Variants in ERAP1 observed in about 807,000 individuals in gnomAD.
ERAP1 encodes the protein adipocyte-derived leucine aminopeptidase.
A neutral mutation model predicts 103.7 loss-of-function variants in ERAP1; 86 were observed. That is an observed-to-expected ratio of 0.83 (90% CI 0.70 to 0.99). The LOEUF is 0.99. Among genes scored for constraint, ERAP1 ranks in the 50% least tolerant of loss-of-function variants. The pLI, the probability that ERAP1 is intolerant of heterozygous loss-of-function variation, is 0.00. For missense variants in ERAP1, 1,009 were observed against 1,128.4 expected (o/e 0.89, Z 1.52); for synonymous variants, 398 against 402.4 (o/e 0.99, Z 0.13).
At chr5:96,917,053 C>T in the ERAP1 span, among the ~76,000 whole-genome samples, 1 of 152,098 alleles carries the variant, frequency 6.6e-6, no homozygotes, top group Non-Finnish European at 1.5e-5. Flanking sequence ...ATGCCTATAC[C>T]TGTGTGTATG....
chr5:96,924,420 T>C, the ERAP1 span, among the ~76,000 whole-genome samples: 1 of 152,208 alleles, frequency 6.6e-6, no homozygotes, highest in Non-Finnish European at 1.5e-5. Context: ...TTATAGGACC[T>C]TCTCAAGCTA....
chr5:96,867,358 C>T, the ERAP1 span, among the ~76,000 whole-genome samples: 58 of 152,122 alleles, frequency 3.8e-4, no homozygotes, highest in Admixed American at 3.7e-3. Flanking sequence ...AACAAATTAA[C>T]ACAAAACTTA....
chr5:96,792,302 G>A (rs1417063994), intron 7 of ERAP1, 110 bp from the exon 8 acceptor site: 2 of 964,318 alleles, frequency 2.1e-6, no homozygotes, highest in East Asian at 2.4e-5. Context: ...ACATTTTGGG[G>A]GCAACCTATT....
the ERAP1 span, among the ~76,000 whole-genome samples, chr5:96,823,698 C>A: frequency 5.3e-5 from 8 of 152,184 alleles, no homozygotes. Flanking sequence ...GTACACTATG[C>A]ATGAATTTCT....
the ERAP1 span, among the ~76,000 whole-genome samples, chr5:96,866,881 G>A: frequency 6.6e-6 from 1 of 152,184 alleles, no homozygotes; most frequent in African/African-American, 2.4e-5. Flanking sequence ...CTCTGGGGAT[G>A]TCCCACAGGA....
the ERAP1 span, chr5:96,886,736 T>C: frequency 6.5e-7 from 1 of 1,539,326 alleles, no homozygotes. Flanking sequence ...CCTTGTAGCC[T>C]ACATAGTTTG....
At chr5:96,820,313 T>A in the ERAP1 span, among the ~76,000 whole-genome samples, 1 of 152,086 alleles carries the variant, frequency 6.6e-6, no homozygotes, top group Non-Finnish European at 1.5e-5. Context: ...AAAATCTCAT[T>A]TTCAGAATTA....
At position 96,781,164 on chromosome 5, in the gene ERAP1, T is replaced by C. The variant is rs916059590; in HGVS notation, c.2482A>G (p.Lys828Glu). The change falls in exon 17 of 19, where the codon AAA becomes GAA. Residue 828 changes from lysine to glutamate, a missense_variant. Transcript: ENST00000443439. ...LDESFKGDKI[K>E]TQEFPQILTL... ...AGAATTTGTGGAAACTCCTGAGTTT[T>C]TATTTTATCTCCCTTAAAGCTTTCA... 3.1e-6 allele frequency: 5 copies of C among 1,613,302 alleles called. No individual in the cohort carries two copies. In the African/African-American group the frequency reaches 5.4e-5, roughly 17 times the overall value.
chr5:96,841,473 C>A, the ERAP1 span, among the ~76,000 whole-genome samples: 1 of 152,134 alleles, frequency 6.6e-6, no homozygotes, highest in Admixed American at 6.5e-5. Context: ...ATACCATGAC[C>A]AATTTCAAGC....
chr5:96,796,060 C>CGAAA (rs1418222600), intron 4 of ERAP1, among the ~76,000 whole-genome samples: 7 of 152,182 alleles, frequency 4.6e-5, no homozygotes, highest in Non-Finnish European at 1.0e-4. Flanking sequence ...CTGATAGTTT[C>CGAAA]ACTGCTGAAT....
intron 1 of ERAP1, among the ~76,000 whole-genome samples, chr5:96,806,523 C>T (rs1410411639): frequency 1.3e-5 from 2 of 152,122 alleles, no homozygotes; most frequent in African/African-American, 2.4e-5. Context: ...AAGCAAAGAA[C>T]CATTCATGTA....
chr5:96,911,191 G>GA, the ERAP1 span, among the ~76,000 whole-genome samples: 2 of 152,120 alleles, frequency 1.3e-5, no homozygotes, highest in Non-Finnish European at 2.9e-5. Flanking sequence ...AAAAAAATCA[G>GA]GATAATAACT....
the ERAP1 span, among the ~76,000 whole-genome samples, chr5:96,925,966 A>G: frequency 7.4e-6 from 1 of 134,578 alleles, no homozygotes; most frequent in East Asian, 2.2e-4. Context: ...CCAGGGCTGC[A>G]GTGGCGTGAT....
chr5:96,781,349 C>G lies in ERAP1; in HGVS notation c.2448-151G>C. 4 of 765,726 alleles carry G rather than the reference C, an allele frequency of 5.2e-6. No individual in the cohort carries two copies. In the South Asian group the frequency reaches 7.0e-5, roughly 13 times the overall value. 47.4% of individuals were successfully genotyped at this position (765,726 alleles called of 1,614,324 possible). ...GGTAACCACAATCCTGATAAACCCA[C>G]TATAGCTACATAATAAAAACTAACA... On this transcript the variant is annotated intron_variant, in intron 16 of 18. Coordinates refer to ENST00000443439, the MANE Select transcript of ERAP1 (RefSeq NM_001040458.3).
intron 19 of ERAP1, chr5:96,765,327 TAAAAA>T (rs59338324): frequency 0.058 from 29,205 of 502,106 alleles, 178 homozygotes; most frequent in South Asian, 0.072. Flanking sequence ...AAAGTAAAGG[TAAAAA>T]AAAAAAAAAA....
chr5:96,877,682 T>A, the ERAP1 span, among the ~76,000 whole-genome samples: 101 of 152,368 alleles, frequency 6.6e-4, no homozygotes, highest in South Asian at 4.6e-3. Context: ...AGCGTTGGAA[T>A]CTGGGCACTC....
chr5:96,871,074 C>T, the ERAP1 span, among the ~76,000 whole-genome samples: 2 of 152,214 alleles, frequency 1.3e-5, no homozygotes, highest in Non-Finnish European at 2.9e-5. Flanking sequence ...CCCTCCCACA[C>T]ACCGTTCGTC....
the ERAP1 span, among the ~76,000 whole-genome samples, chr5:96,899,851 T>G: frequency 6.6e-6 from 1 of 152,206 alleles, no homozygotes; most frequent in Non-Finnish European, 1.5e-5. Context: ...TTCAACAAAT[T>G]GATTCTTCCT....
exon 20 of ERAP1, chr5:96,762,096 TAATAC>T (rs1269013412): frequency 7.0e-6 from 3 of 431,040 alleles, no homozygotes; most frequent in East Asian, 7.0e-5. Context: ...TTGTATAAAA[TAATAC>T]AATAGAGAAG....
Sources: gnomAD v4.1 joint callset for allele counts (sites outside exome capture counted in the v4.1 genomes callset) on GRCh38, gnomAD v4.1.1 for gene constraint, MANE v1.5 for transcripts, NCBI Gene and HGNC (gene_info 2026-07-23, HGNC 2026-07-21) for gene names.